EXPH5: variants seen among roughly 807,000 people sequenced by gnomAD.
EXPH5 encodes exophilin-5.
In EXPH5, 42 loss-of-function variants were observed where a neutral mutation model predicts 41.1. The ratio of observed to expected loss-of-function variants is 1.02; its 90% CI spans 0.80 to 1.32. EXPH5 has a LOEUF of 1.32. Among genes scored for constraint, EXPH5 ranks in the 40% most tolerant of loss-of-function variants. The pLI, the probability that EXPH5 is intolerant of heterozygous loss-of-function variation, is 0.00. For synonymous variants in EXPH5, 798 were observed against 833.5 expected, an observed-to-expected ratio of 0.96 and a Z score of 0.73; for missense variants, 2,298 against 2,314.5, an observed-to-expected ratio of 0.99 and a Z score of 0.15.
upstream of EXPH5, among the ~76,000 whole-genome samples, chr11:108,596,127 G>T (rs1042758654): frequency 1.3e-5 from 2 of 151,290 alleles, no homozygotes; most frequent in African/African-American, 2.4e-5. Flanking sequence ...CCCGGGAGGC[G>T]GAGGTTGCAG....
chr11:108,593,646 A>G lies in EXPH5; in HGVS notation c.-110T>C, dbSNP rs1048503853. Reference sequence around the variant, plus strand: ...CACGAACTTGATCCCACAGCCAATAATAAGTCCGCCCCTTTGAAAGTCTAA... The same window carrying G: ...CACGAACTTGATCCCACAGCCAATAGTAAGTCCGCCCCTTTGAAAGTCTAA... On this transcript the variant is annotated 5_prime_UTR_variant, in exon 1 of 6. Transcript: ENST00000265843. 1.8e-5 allele frequency: 29 copies of G among 1,591,602 alleles called. No homozygotes were observed. In the Admixed American group the frequency reaches 4.1e-4, roughly 23 times the overall value.
At position 108,509,924 on chromosome 11, in the gene EXPH5, A is replaced by G; in HGVS notation, c.5583T>C (p.Asn1861=). The G allele has an allele frequency of 6.2e-7, 1 of 1,610,352 alleles. No individual in the cohort carries two copies. Among genetic ancestry groups the G allele is most frequent in the Non-Finnish European group, 8.5e-7 (1 of 1,178,652 alleles). ...SFSELPSCDG[N]ESWAYRSGTK... is the part of the protein sequence containing the mutation. ...TCCCGCTGCGATAAGCCCAACTTTC[A>G]TTTCCATCACAGGAGGGGAGTTCAG... The change falls in exon 6 of 6, where the codon AAT becomes AAC. Residue 1861 remains asparagine, a synonymous_variant. Transcript: ENST00000265843.
At chr11:108,594,554 A>G (rs1396789983), upstream of EXPH5, among the ~76,000 whole-genome samples, 1 of 152,240 alleles carries the variant, frequency 6.6e-6, no homozygotes, top group Non-Finnish European at 1.5e-5. Context: ...AATGAAGAAT[A>G]ATAGAAACTT....
chr11:108,513,401 G>C lies in EXPH5; in HGVS notation c.2106C>G (p.Asp702Glu), dbSNP rs200683312. 8.1e-6 allele frequency: 13 copies of C among 1,613,738 alleles called. No individual in the cohort carries two copies. Among genetic ancestry groups the C allele is most frequent in the Admixed American group, 3.3e-5 (2 of 59,938 alleles). ...CTTCTTCTGAAATAGATTCATTTAAGTCTTTCTCATTATTTACTTCTGTGA... is the reference window on the plus strand; with the variant it reads ...CTTCTTCTGAAATAGATTCATTTAACTCTTTCTCATTATTTACTTCTGTGA... ...ILVTEVNNEK[D>E]LNESISEEDK... Residue 702 changes from aspartate (D) to glutamate (E), a missense_variant, in exon 6 of 6, where the codon GAC (aspartate) becomes GAG (glutamate). By Grantham distance (45) the Asp-to-Glu change is conservative. Coordinates refer to ENST00000265843, the MANE Select transcript of EXPH5 (RefSeq NM_015065.3).
chr11:108,565,413 C>G (rs1692953209), intron 1 of EXPH5, among the ~76,000 whole-genome samples: 1 of 152,210 alleles, frequency 6.6e-6, no homozygotes, highest in African/African-American at 2.4e-5. Flanking sequence ...CAGCACACCA[C>G]AGATCAGTGC....
intron 1 of EXPH5, among the ~76,000 whole-genome samples, chr11:108,582,216 C>A (rs929385772): frequency 7.2e-5 from 11 of 152,238 alleles, no homozygotes; most frequent in South Asian, 6.2e-4. Context: ...GTAATCCCAG[C>A]ACTTTGGGAG....
chr11:108,601,548 C>T, the EXPH5 span, among the ~76,000 whole-genome samples: 8,222 of 152,136 alleles, frequency 0.054, 322 homozygotes, highest in Middle Eastern at 0.082. Context: ...TACTGGAATC[C>T]AATCAATATT....
At chr11:108,543,329 C>T (rs919369341) in intron 1 of EXPH5, among the ~76,000 whole-genome samples, 6 of 152,046 alleles carry the variant, frequency 3.9e-5, no homozygotes, top group Non-Finnish European at 4.4e-5. Flanking sequence ...TCATTTTGCT[C>T]TATTTAAGGA....
intron 1 of EXPH5, among the ~76,000 whole-genome samples, chr11:108,592,052 C>T (rs1412549737): frequency 6.6e-6 from 1 of 152,182 alleles, no homozygotes; most frequent in African/African-American, 2.4e-5. Context: ...AATTCTTCTT[C>T]TGAAAGTTGG....
chr11:108,589,234 A>G (rs557448669), intron 1 of EXPH5, among the ~76,000 whole-genome samples: 5 of 152,240 alleles, frequency 3.3e-5, no homozygotes, highest in African/African-American at 4.8e-5. Context: ...GGCACACAGT[A>G]AAAAGCCCAA....
intron 4 of EXPH5, among the ~76,000 whole-genome samples, chr11:108,526,543 A>G (rs1186915277): frequency 6.6e-6 from 1 of 152,200 alleles, no homozygotes; most frequent in East Asian, 1.9e-4. Flanking sequence ...AACCGAGAGT[A>G]CAGAAGCATC....
intron 1 of EXPH5, among the ~76,000 whole-genome samples, chr11:108,573,397 C>T (rs1414224838): frequency 2.6e-5 from 4 of 152,046 alleles, no homozygotes; most frequent in African/African-American, 7.2e-5. Context: ...TGCCACCTGA[C>T]GTAGAAAATG....
At chr11:108,573,307 CA>C (rs1230291772) in intron 1 of EXPH5, among the ~76,000 whole-genome samples, 1 of 152,034 alleles carries the variant, frequency 6.6e-6, no homozygotes, top group Non-Finnish European at 1.5e-5. Context: ...CTGATTTGAC[CA>C]GCAAAACAAC....
chr11:108,574,875 T>C (rs1035967203), intron 1 of EXPH5, among the ~76,000 whole-genome samples: 4 of 152,236 alleles, frequency 2.6e-5, no homozygotes, highest in Non-Finnish European at 4.4e-5. Context: ...TTTTTCTTTC[T>C]GCCTCGAATA....
At chr11:108,593,886 C>T (rs2094134743), upstream of EXPH5, 6 of 743,948 alleles carry the variant, frequency 8.1e-6, no homozygotes, top group South Asian at 1.0e-4. Flanking sequence ...TCGTCCCCTC[C>T]GGTCACCCTC....
Position 108,513,992 on chromosome 11 carries a change from T to C in EXPH5, c.1515A>G (p.Arg505=), listed in dbSNP as rs143938751. 633 of 1,612,438 alleles carry C rather than the reference T, an allele frequency of 3.9e-4. 1 individual carries two copies. The highest frequency in any genetic ancestry group is 4.5e-4 in the Non-Finnish European group (528 of 1,179,450). The change falls in exon 6 of 6, where the codon AGA becomes AGG. Residue 505 remains arginine (R), a synonymous_variant. Transcript: ENST00000265843. ...CTTCCATGGAAATCATTTCAAAGTCTCTGTCAGAAGAACTGAATGATTTCC... is the reference window on the plus strand; with the variant it reads ...CTTCCATGGAAATCATTTCAAAGTCCCTGTCAGAAGAACTGAATGATTTCC... ...RSRKSFSSSD[R]DFEMISMEAN...
chr11:108,595,353 C>T (rs1012738060), upstream of EXPH5, among the ~76,000 whole-genome samples: 8 of 152,154 alleles, frequency 5.3e-5, no homozygotes, highest in African/African-American at 1.7e-4. Flanking sequence ...AGAGAGGATA[C>T]GGTATTTAGG....
At chr11:108,572,641 C>T (rs1367578242) in intron 1 of EXPH5, among the ~76,000 whole-genome samples, 2 of 152,204 alleles carry the variant, frequency 1.3e-5, no homozygotes, top group Admixed American at 6.5e-5. Flanking sequence ...TCACTGCAAC[C>T]TTTGCCTCCC....
At chr11:108,592,878 C>G (rs1255157671) in intron 1 of EXPH5, among the ~76,000 whole-genome samples, 2 of 152,354 alleles carry the variant, frequency 1.3e-5, no homozygotes, top group African/African-American at 2.4e-5. Flanking sequence ...CTTTCGCCTC[C>G]CGTGAGGTGC....
Sources: allele counts gnomAD v4.1 joint callset (sites outside exome capture counted in the v4.1 genomes callset), GRCh38; gene constraint gnomAD v4.1.1; transcripts MANE v1.5; gene names NCBI Gene and HGNC (gene_info 2026-07-23, HGNC 2026-07-21).